NBPF15: variants seen among roughly 807,000 people sequenced by gnomAD.
NBPF15 encodes NBPF member 15.
A neutral mutation model predicts 62.2 loss-of-function variants in NBPF15; 74 were observed. The observed-to-expected ratio is 1.19, with a 90% CI of 0.99 to 1.44. The LOEUF is 1.44. NBPF15 is among the 40% of genes most tolerant of loss of function. The pLI is 0.00. For missense variants in NBPF15, 790 were observed against 550.0 expected (o/e 1.44, Z -4.36); for synonymous variants, 244 against 209.7 (o/e 1.16, Z -1.41).
At chr1:144,435,600 T>A (rs1266938542) in intron 11 of NBPF15, among the ~76,000 whole-genome samples, 181 bp downstream of exon 11, 1 of 152,064 alleles carries the variant, frequency 6.6e-6, no homozygotes, top group Non-Finnish European at 1.5e-5. Flanking sequence ...GACATGACAC[T>A]CGGCACACAC....
rs1263255721 is a variant in NBPF15, at chr1:144,439,971, C to G, written c.33G>C (p.Glu11Asp). MVVSAGPLSS[E>D]KAEMNILEIN... ...TTTCTAGAATGTTCATCTCTGCCTTCTCGCTGGACAAAGGGCCGGCTGATA... is the reference window on the plus strand; with the variant it reads ...TTTCTAGAATGTTCATCTCTGCCTTGTCGCTGGACAAAGGGCCGGCTGATA... The change falls in exon 8 of 22, where the codon GAG becomes GAC. Residue 11 changes from glutamate (E) to aspartate (D), a missense_variant. Coordinates refer to ENST00000581897, the MANE Select transcript of NBPF15 (RefSeq NM_001385408.1). 6.2e-7 allele frequency: 1 copy of G among 1,610,494 alleles called. No homozygotes were observed. The highest frequency in any genetic ancestry group is 1.3e-5 in the African/African-American group (1 of 74,794).
chr1:144,455,861 C>T (rs1553546815), intron 4 of NBPF15, among the ~76,000 whole-genome samples: 1 of 151,990 alleles, frequency 6.6e-6, no homozygotes, highest in Non-Finnish European at 1.5e-5. Context: ...GGCATGGTAC[C>T]TAATAGTCAC....
At chr1:144,457,995 G>T (rs1397103438) in intron 3 of NBPF15, among the ~76,000 whole-genome samples, 5 of 151,814 alleles carry the variant, frequency 3.3e-5, no homozygotes, top group Non-Finnish European at 5.9e-5. Flanking sequence ...GCTGAGGTGG[G>T]CAGACTGCTT....
intron 4 of NBPF15, among the ~76,000 whole-genome samples, chr1:144,455,421 T>C (rs1401477611): frequency 6.6e-6 from 1 of 152,030 alleles, no homozygotes; most frequent in Non-Finnish European, 1.5e-5. Flanking sequence ...ACTGTAAAAC[T>C]ATATGCTGTT....
chr1:144,456,086 C>T (rs1345755657), intron 4 of NBPF15, among the ~76,000 whole-genome samples: 2 of 151,814 alleles, frequency 1.3e-5, no homozygotes, highest in African/African-American at 4.8e-5. Context: ...AAACCACACA[C>T]ATCTCCCCAC....
intron 13 of NBPF15, among the ~76,000 whole-genome samples, chr1:144,432,313 A>C (rs1429733749): frequency 2.6e-5 from 4 of 151,814 alleles, no homozygotes; most frequent in Non-Finnish European, 5.9e-5. Context: ...AGTAAGCACT[A>C]AACATGGAAA....
chr1:144,442,164 A>ATATATATATATATAATATATATACACGTG (rs1683607250), intron 6 of NBPF15, among the ~76,000 whole-genome samples: 6 of 656 alleles, frequency 9.1e-3, no homozygotes, highest in South Asian at 0.02. Context: ...ATACACGTGT[A>ATATATATATATATAATATATATACACGTG]TATATATATA....
chr1:144,427,820 T>A lies in NBPF15; in HGVS notation c.1211A>T (p.Asp404Val), dbSNP rs1440370888. 2.8e-6 allele frequency: 2 copies of A among 723,596 alleles called. No homozygotes were observed. The highest frequency in any genetic ancestry group is 2.6e-5 in the East Asian group (1 of 39,176). 44.8% of individuals were successfully genotyped at this position (723,596 alleles called of 1,614,324 possible). A position where few individuals can be genotyped will look rare whatever the true frequency, so the allele number is the denominator to read the frequency against. ...CACCTTCATAGAAAGGTACTCACCA[T>A]CCATGTCAATAGCCAAGCCAACACG... ...QQRVGLAIDM[D>V]EIEKYQEVEE... Residue 404 changes from aspartate to valine, a missense_variant and splice_region_variant, in exon 16 of 22, where the codon GAT becomes GTT. Asp to Val is a radical substitution (Grantham distance 152). Coordinates refer to ENST00000581897, the MANE Select transcript of NBPF15 (RefSeq NM_001385408.1).
Position 144,440,167 on chromosome 1 carries a change from A to G in NBPF15, c.-62T>C. On this transcript the variant is annotated 5_prime_UTR_variant, in exon 7 of 22. Transcript: ENST00000581897. ...GTTGTCAAAAATGTGATCACTCCCC[A>G]CAGCACTTTAGGATCCTTCACCACA... is the stretch of plus-strand genomic sequence containing the variant. The G allele has an allele frequency of 3.2e-6, 5 of 1,563,808 alleles. No homozygotes were observed. Among genetic ancestry groups the G allele is most frequent in the Admixed American group, 1.8e-5 (1 of 55,704 alleles).
chr1:144,442,333 G>T (rs1467202528), intron 6 of NBPF15, among the ~76,000 whole-genome samples: 3 of 121,064 alleles, frequency 2.5e-5, no homozygotes, highest in Admixed American at 1.7e-4. Context: ...ATATATACAC[G>T]TGTGCCATGT....
intron 4 of NBPF15, among the ~76,000 whole-genome samples, chr1:144,452,233 T>C (rs1356802278): frequency 2.0e-5 from 3 of 152,164 alleles, no homozygotes; most frequent in South Asian, 2.1e-4. Flanking sequence ...TCAATTTTAA[T>C]AGTAGATTTT....
chr1:144,445,958 G>A (rs1687233709), intron 6 of NBPF15, among the ~76,000 whole-genome samples: 2 of 145,998 alleles, frequency 1.4e-5, no homozygotes. Context: ...CCAGGTTCAA[G>A]TGATCCTCCT....
At chr1:144,456,205 CAA>C (rs1647593494) in intron 4 of NBPF15, among the ~76,000 whole-genome samples, 1 of 145,616 alleles carries the variant, frequency 6.9e-6, no homozygotes, top group East Asian at 2.0e-4. Flanking sequence ...AGGGTGGAAA[CAA>C]GAGACGGAAA....
Position 144,437,097 on chromosome 1 carries a change from G to T in NBPF15, c.291C>A (p.Val97=). The change falls in exon 10 of 22, where the codon GTC becomes GTA. Residue 97 remains valine, a synonymous_variant. Coordinates refer to ENST00000581897, the MANE Select transcript of NBPF15 (RefSeq NM_001385408.1). ...GCTCTCGTTCCTGAGCGTGAACCAG[G>T]ACTTTATATTGCCTAAGGTGAGACG... The part of the protein sequence containing the change: ...KQAEELRQYK[V]LVHAQERELT... The T allele has an allele frequency of 6.2e-7, 1 of 1,611,350 alleles. No individual in the cohort carries two copies. Among genetic ancestry groups the T allele is most frequent in the Admixed American group, 1.7e-5 (1 of 60,004 alleles).
chr1:144,447,295 C>T (rs1364918745), intron 6 of NBPF15, among the ~76,000 whole-genome samples: 1 of 151,790 alleles, frequency 6.6e-6, no homozygotes, highest in Non-Finnish European at 1.5e-5. Context: ...GCCTCTGGGT[C>T]TTCCTTGATG....
intron 1 of NBPF15, among the ~76,000 whole-genome samples, 162 bp from the exon 2 acceptor site, chr1:144,461,123 C>A (rs1269811852): frequency 6.6e-6 from 1 of 151,802 alleles, no homozygotes; most frequent in East Asian, 2.0e-4. Context: ...TACACGAGGA[C>A]GTGCCCCCGA....
chr1:144,453,662 A>AAAAAAAAAAAAAAAAAAAAAAG (rs1165682772), intron 4 of NBPF15, among the ~76,000 whole-genome samples: 1 of 86,790 alleles, frequency 1.2e-5, no homozygotes, highest in Admixed American at 1.3e-4. Context: ...AAAAAAAAAA[A>AAAAAAAAAAAAAAAAAAAAAAG]GTGAAACATC....
chr1:144,424,193 C>T (rs1490296940), intron 20 of NBPF15, among the ~76,000 whole-genome samples: 5 of 152,084 alleles, frequency 3.3e-5, no homozygotes, highest in East Asian at 1.9e-4. Context: ...TCTAGTAGAT[C>T]GTTATCCCAA....
At chr1:144,433,164 A>G (rs1675764113) in intron 13 of NBPF15, among the ~76,000 whole-genome samples, 1 of 152,068 alleles carries the variant, frequency 6.6e-6, no homozygotes, top group East Asian at 1.9e-4. Context: ...AAACCGCACA[A>G]CTACATGGAA....
Sources: allele counts gnomAD v4.1 joint callset (sites outside exome capture counted in the v4.1 genomes callset), GRCh38; gene constraint gnomAD v4.1.1; transcripts MANE v1.5; gene names NCBI Gene and HGNC (gene_info 2026-07-23, HGNC 2026-07-21).